CDH23: variants seen among roughly 807,000 people sequenced by gnomAD.
The protein encoded by CDH23 is cadherin related 23, also known as cadherin-23.
Under a neutral mutation model 317.1 loss-of-function variants are expected in CDH23, and 189 were observed. The observed-to-expected ratio is 0.60, with a 90% CI of 0.53 to 0.67. The LOEUF is 0.67. CDH23 is among the 30% of genes least tolerant of loss of function. The probability of loss-of-function intolerance (pLI) is 0.00; values close to 1 mark genes in which losing one functional copy is unlikely to be tolerated. For synonymous variants in CDH23, 1,839 were observed against 1,876.8 expected (o/e 0.98, Z 0.52); for missense variants, 4,401 against 4,592.4 (o/e 0.96, Z 1.20).
Position 71,500,814 on chromosome 10 carries a change from CTTTTCT to C in CDH23, c.146-9267_146-9262del, listed in dbSNP as rs879718423. The stretch of plus-strand genomic sequence containing the variant: ...CTTTTCTTTTCTTTTCTTTTCTTTT[CTTTTCT>C]CTTTCCTTTCCTTTCTTTTCTTTTC... On this transcript the variant is annotated intron_variant, in intron 3 of 69. Coordinates refer to ENST00000224721, the MANE Select transcript of CDH23 (RefSeq NM_022124.6). 3.7e-3 allele frequency among the ~76,000 whole-genome samples: 496 copies of C among 134,582 alleles called. 4 individuals are homozygous for C. Among genetic ancestry groups the C allele is most frequent in the Middle Eastern group, 0.029 (8 of 274 alleles). 88.3% of individuals were successfully genotyped at this position (134,582 alleles called of 152,430 possible).
intron 48 of CDH23, chr10:71,794,545 A>G (rs1325189209): frequency 2.6e-5 from 4 of 152,262 alleles, no homozygotes; most frequent in Non-Finnish European, 5.9e-5. Flanking sequence ...GGAAAGGGAC[A>G]TGGAGCTGAT....
intron 9 of CDH23, among the ~76,000 whole-genome samples, chr10:71,605,260 AAAAG>A (rs954935203): frequency 9.2e-5 from 14 of 152,104 alleles, no homozygotes; most frequent in African/African-American, 2.4e-4. Flanking sequence ...TTTAAAAAAA[AAAAG>A]AAAGACAACA....
At chr10:71,594,302 TCTTCCTTTCTTTCTTC>T (rs1483882579) in intron 9 of CDH23, among the ~76,000 whole-genome samples, 156 of 152,254 alleles carry the variant, frequency 1.0e-3, no homozygotes, top group African/African-American at 3.5e-3. Context: ...TTGTTTTCTT[TCTTCCTTTCTTTCTTC>T]CTTCCTTCCT....
At position 71,515,068 on chromosome 10, in the gene CDH23, C is replaced by G. The variant is rs1854210943; in HGVS notation, c.429+3856C>G. Among the ~76,000 whole-genome samples, 3 of 152,266 alleles carry G rather than the reference C, an allele frequency of 2.0e-5. No homozygotes were observed. The South Asian group carries it at 6.2e-4, about 32-fold the overall frequency. ...CTCCAGTGTGCCCCAGGGAGGTGAC[C>G]CTGGTGCTGGGGTGTTTAGGCAGGA... On this transcript the variant is annotated intron_variant, in intron 6 of 69. Coordinates refer to ENST00000224721, the MANE Select transcript of CDH23 (RefSeq NM_022124.6).
chr10:71,489,701 G>T (rs941384387), intron 3 of CDH23, among the ~76,000 whole-genome samples: 1 of 151,168 alleles, frequency 6.6e-6, no homozygotes, highest in Non-Finnish European at 1.5e-5. Context: ...TGAGATAAAG[G>T]TCAGAGTTCC....
chr10:71,773,370 C>T, intron 38 of CDH23: 1 of 1,609,292 alleles, frequency 6.2e-7, no homozygotes, highest in Admixed American at 1.7e-5. Flanking sequence ...AGGGACGCAG[C>T]CAGGAAGAGA....
intron 48 of CDH23, chr10:71,796,046 G>A: frequency 1.1e-6 from 1 of 934,624 alleles, no homozygotes; most frequent in East Asian, 1.2e-4. Context: ...AGAGTAGGAA[G>A]AGGAGGAGGA....
rs368440350 is a variant in CDH23 at position 71,779,322 on chromosome 10, A to G, written c.5243A>G (p.Tyr1748Cys). Residue 1748 changes from tyrosine (Y) to cysteine (C), a missense_variant, in exon 41 of 70, where the codon TAT becomes TGT. Tyr to Cys is a radical substitution (Grantham distance 194). Coordinates refer to ENST00000224721, the MANE Select transcript of CDH23 (RefSeq NM_022124.6). ...AATGTGCCTACCTTCCCCCGGGACT[A>G]TGAGGGACCATTTGAAGTCACTGAG... ...NDNVPTFPRD[Y>C]EGPFEVTEGQ... 6.2e-7 allele frequency: 1 copy of G among 1,614,022 alleles called. No individual in the cohort carries two copies. The highest frequency in any genetic ancestry group is 1.1e-5 in the South Asian group (1 of 91,090).
intron 20 of CDH23, 64 bp from the exon 21 acceptor site, chr10:71,694,063 CCTTCCCTCGCTCTCTCTCTT>C: frequency 9.3e-7 from 1 of 1,074,290 alleles, no homozygotes; most frequent in Non-Finnish European, 1.4e-6. Context: ...CACCCTCTCT[CCTTCCCTCGCTCTCTCTCTT>C]CTTCCCTCCC....
intron 38 of CDH23, among the ~76,000 whole-genome samples, chr10:71,754,803 C>T (rs1001908640): frequency 6.6e-6 from 1 of 152,154 alleles, no homozygotes; most frequent in Non-Finnish European, 1.5e-5. Flanking sequence ...AAAGAGCATG[C>T]GTTGAAAGCT....
chr10:71,530,121 T>C (rs1169454579), intron 6 of CDH23, among the ~76,000 whole-genome samples: 1 of 151,830 alleles, frequency 6.6e-6, no homozygotes, highest in Non-Finnish European at 1.5e-5. Context: ...CCATGCGGGC[T>C]GAGCTGAATG....
chr10:71,486,922 G>A lies in CDH23; in HGVS notation c.146-23160G>A, dbSNP rs115002120. Among the ~76,000 whole-genome samples, 593 of 152,272 alleles carry A rather than the reference G, an allele frequency of 3.9e-3. 3 individuals carry two copies. The highest frequency in any genetic ancestry group is 0.015 in the South Asian group (73 of 4,828). ...GAGCCCTGGGGAGGGGCTGATCCCT[G>A]CTGAGCAAGAGAGCCAGGCCTTGGT... On this transcript the variant is annotated intron_variant, in intron 3 of 69. Coordinates refer to ENST00000224721, the MANE Select transcript of CDH23 (RefSeq NM_022124.6).
rs1246932613 is a variant in CDH23 at position 71,814,873 on chromosome 10, C to A, written c.9739-79C>A. 5 of 1,453,614 alleles carry A rather than the reference C, an allele frequency of 3.4e-6. No individual in the cohort carries two copies. The African/African-American group carries it at 5.6e-5, about 16-fold the overall frequency. The allele number at this position is 1,453,614 out of a possible 1,614,324, so 90.0% of individuals were successfully genotyped here. On this transcript the variant is annotated intron_variant, in intron 69 of 69. Transcript: ENST00000224721. ...AGGAGCCCAAGGTTCAGCCACATAG[C>A]CAGTGGGTCTCTGGGGCCATCCACC... is the stretch of plus-strand genomic sequence containing the variant.
chr10:71,702,608 C>T lies in CDH23; in HGVS notation c.2647C>T (p.Leu883Phe). 1 of 1,614,020 alleles carries T rather than the reference C, an allele frequency of 6.2e-7. No homozygotes were observed. Among genetic ancestry groups the T allele is most frequent in the South Asian group, 1.1e-5 (1 of 91,086 alleles). The change falls in exon 24 of 70, where the codon CTC becomes TTC. Residue 883 changes from leucine to phenylalanine, a missense_variant. This residue lies in a region of CDH23 where 3,068 missense variants were observed against 3,203.3 expected (regional missense o/e 0.96). Transcript: ENST00000224721. ...SATVFVNLLDLNDNDPTFQNL... is the reference protein window; with the variant it reads ...SATVFVNLLDFNDNDPTFQNL... ...CACAGTGTTTGTGAACCTCTTGGAT[C>T]TCAATGACAATGACCCCACCTTTCA...
At chr10:71,585,787 A>G (rs1420874239) in intron 9 of CDH23, among the ~76,000 whole-genome samples, 1 of 152,144 alleles carries the variant, frequency 6.6e-6, no homozygotes, top group Non-Finnish European at 1.5e-5. Flanking sequence ...GTGATAAACC[A>G]GTCTTTATAG....
At chr10:71,627,169 G>A (rs1861775700) in intron 11 of CDH23, among the ~76,000 whole-genome samples, 1 of 152,122 alleles carries the variant, frequency 6.6e-6, no homozygotes, top group Non-Finnish European at 1.5e-5. Context: ...TGTAGGCAGG[G>A]GTCTGTTTGC....
At chr10:71,640,229 C>G (rs1311457523) in intron 11 of CDH23, among the ~76,000 whole-genome samples, 2 of 152,214 alleles carry the variant, frequency 1.3e-5, no homozygotes, top group African/African-American at 4.8e-5. Flanking sequence ...GAGCTCACAC[C>G]ATCTTTTCAG....
chr10:71,781,579 A>G (rs551428455), intron 41 of CDH23, among the ~76,000 whole-genome samples: 1 of 152,332 alleles, frequency 6.6e-6, no homozygotes, highest in East Asian at 1.9e-4. Context: ...AGCACAGTGC[A>G]GACCTCCATG....
chr10:71,411,481 A>C (rs978851316), intron 1 of CDH23, among the ~76,000 whole-genome samples: 1 of 152,100 alleles, frequency 6.6e-6, no homozygotes, highest in Non-Finnish European at 1.5e-5. Flanking sequence ...CCATTGTTAA[A>C]TTTACTTATT....
Sources: gnomAD v4.1 joint callset for allele counts (sites outside exome capture counted in the v4.1 genomes callset) on GRCh38, gnomAD v4.1.1 for gene constraint, gnomAD v4.1.1 regional missense constraint, MANE v1.5 for transcripts, NCBI Gene and HGNC (gene_info 2026-07-23, HGNC 2026-07-21) for gene names.